NBAS: variants seen among roughly 807,000 people sequenced by gnomAD.
The protein encoded by NBAS is NAG/BC035112 fusion.
NBAS carries 219 observed loss-of-function variants against 302.5 expected under a neutral mutation model. The ratio of observed to expected loss-of-function variants is 0.72; its 90% confidence interval spans 0.65 to 0.81. The LOEUF (loss-of-function observed/expected upper bound fraction) is 0.81. NBAS is among the 30% of genes least tolerant of loss of function. The pLI is 0.00. For missense variants in NBAS, 2,932 were observed against 2,841.6 expected (o/e 1.03, Z -0.72); for synonymous variants, 1,118 against 1,021.6 (o/e 1.09, Z -1.80).
At chr2:15,486,118 T>C (rs981564670) in intron 12 of NBAS, among the ~76,000 whole-genome samples, 1 of 152,014 alleles carries the variant, frequency 6.6e-6, no homozygotes, top group Non-Finnish European at 1.5e-5. Flanking sequence ...AGAGCCACAA[T>C]GGGAATGGTA....
intron 21 of NBAS, 121 bp from the exon 22 acceptor site, chr2:15,427,915 A>T (rs1228485636): frequency 1.3e-6 from 1 of 762,120 alleles, no homozygotes; most frequent in Non-Finnish European, 2.2e-6. Flanking sequence ...TGCTTATAGT[A>T]TTTTAAGTGG....
the NBAS span, among the ~76,000 whole-genome samples, chr2:14,783,452 T>A: frequency 1.4e-5 from 2 of 144,162 alleles, no homozygotes; most frequent in Non-Finnish European, 3.0e-5. Flanking sequence ...GTATATCTCC[T>A]AATGCTATCC....
At chr2:15,022,416 G>T in the NBAS span, among the ~76,000 whole-genome samples, 3 of 152,146 alleles carry the variant, frequency 2.0e-5, no homozygotes, top group Non-Finnish European at 2.9e-5. Flanking sequence ...TACCCAAAAT[G>T]AGAGACAGTC....
At chr2:14,885,551 T>C in the NBAS span, among the ~76,000 whole-genome samples, 2 of 152,094 alleles carry the variant, frequency 1.3e-5, no homozygotes, top group South Asian at 2.1e-4. Context: ...AGTATATATG[T>C]GAGGAGTAGA....
At chr2:14,838,737 A>G in the NBAS span, among the ~76,000 whole-genome samples, 1 of 152,042 alleles carries the variant, frequency 6.6e-6, no homozygotes, top group African/African-American at 2.4e-5. Flanking sequence ...GGCATCAGCA[A>G]TCCTAGGTTG....
At position 15,396,483 on chromosome 2, in the gene NBAS, A is replaced by G; in HGVS notation, c.3072-8T>C. ...GTTGCCTCTGTCTTATCACTAATAA[A>G]TTAAAAGAAGAAAAAAAAAAGCCCT... On this transcript the variant is annotated splice_polypyrimidine_tract_variant and splice_region_variant and intron_variant, in intron 26 of 51. Coordinates refer to ENST00000281513, the MANE Select transcript of NBAS (RefSeq NM_015909.4). 1 of 1,563,774 alleles carries G rather than the reference A, an allele frequency of 6.4e-7. No individual in the cohort carries two copies. Among genetic ancestry groups the G allele is most frequent in the Non-Finnish European group, 8.6e-7 (1 of 1,158,188 alleles).
the NBAS span, among the ~76,000 whole-genome samples, chr2:14,825,450 A>C: frequency 6.6e-6 from 1 of 152,228 alleles, no homozygotes; most frequent in Non-Finnish European, 1.5e-5. Flanking sequence ...TTTCACCAGA[A>C]GGGAGCTGAC....
At chr2:15,491,540 TC>T (rs374393385) in intron 11 of NBAS, among the ~76,000 whole-genome samples, 19 of 152,090 alleles carry the variant, frequency 1.2e-4, no homozygotes, top group African/African-American at 4.6e-4. Flanking sequence ...ATCGAGACCA[TC>T]CTGGCTAACA....
intron 13 of NBAS, among the ~76,000 whole-genome samples, chr2:15,477,284 C>A (rs146606455): frequency 6.6e-6 from 1 of 150,812 alleles, no homozygotes; most frequent in South Asian, 2.1e-4. Flanking sequence ...TTTTTTGAGA[C>A]GAACTCTCAC....
chr2:15,395,956 A>G (rs940640807), intron 27 of NBAS, among the ~76,000 whole-genome samples: 6 of 152,136 alleles, frequency 3.9e-5, no homozygotes, highest in Non-Finnish European at 5.9e-5. Context: ...AGTTTGACAT[A>G]ATACAAATAG....
At chr2:15,529,233 C>T (rs1021427997) in intron 9 of NBAS, among the ~76,000 whole-genome samples, 2 of 152,084 alleles carry the variant, frequency 1.3e-5, no homozygotes. Flanking sequence ...GGCGTGGTGG[C>T]TCATGCCTGT....
intron 38 of NBAS, among the ~76,000 whole-genome samples, chr2:15,319,311 C>T (rs747016025): frequency 1.3e-5 from 2 of 151,886 alleles, no homozygotes; most frequent in Admixed American, 1.3e-4. Flanking sequence ...GATATAAAAT[C>T]GACACCAAAC....
rs1429961195 is a variant in NBAS, at chr2:15,536,471, A to G, written c.594T>C (p.Ser198=). 9 of 1,613,696 alleles carry G rather than the reference A, an allele frequency of 5.6e-6. No individual in the cohort carries two copies. In the Middle Eastern group the frequency reaches 6.6e-4, roughly 118 times the overall value. Residue 198 remains serine (S), a synonymous_variant, in exon 8 of 52, where the codon TCT becomes TCC. Transcript: ENST00000281513. ...GGTAATTGATGACCAGGAGTTCTGCAGACCACTGTGCACTTGCTTTATATT... is the reference window on the plus strand; with the variant it reads ...GGTAATTGATGACCAGGAGTTCTGCGGACCACTGTGCACTTGCTTTATATT... ...FLEYKASAQW[S]AELLVINYRG... is the part of the protein sequence containing the mutation.
At chr2:14,846,739 T>A in the NBAS span, among the ~76,000 whole-genome samples, 4 of 152,082 alleles carry the variant, frequency 2.6e-5, no homozygotes, top group Non-Finnish European at 4.4e-5. Context: ...AGAATTAAGT[T>A]GTTATCAACT....
chr2:15,120,101 A>C, the NBAS span, among the ~76,000 whole-genome samples: 1 of 152,196 alleles, frequency 6.6e-6, no homozygotes, highest in African/African-American at 2.4e-5. Context: ...GTTGAGCCTT[A>C]AAACAGGAAG....
the NBAS span, among the ~76,000 whole-genome samples, chr2:14,809,027 C>G: frequency 1.3e-5 from 2 of 152,194 alleles, no homozygotes; most frequent in African/African-American, 4.8e-5. Flanking sequence ...TGTAGAGTAT[C>G]TAGCAGAAGG....
chr2:14,990,167 C>T, the NBAS span, among the ~76,000 whole-genome samples: 1 of 149,366 alleles, frequency 6.7e-6, no homozygotes, highest in Non-Finnish European at 1.5e-5. Context: ...AACCCCAGTG[C>T]TTTGGGAGGC....
chr2:14,817,890 A>G, the NBAS span, among the ~76,000 whole-genome samples: 2 of 152,198 alleles, frequency 1.3e-5, no homozygotes, highest in African/African-American at 4.8e-5. Context: ...GGAGCAAATT[A>G]CTGAACCTCT....
chr2:14,988,109 A>T, the NBAS span, among the ~76,000 whole-genome samples: 1 of 152,162 alleles, frequency 6.6e-6, no homozygotes, highest in African/African-American at 2.4e-5. Context: ...CCCTGAAAAC[A>T]TTGTTGTGGA....
Sources: allele counts gnomAD v4.1 joint callset (sites outside exome capture counted in the v4.1 genomes callset), GRCh38; gene constraint gnomAD v4.1.1; transcripts MANE v1.5; gene names NCBI Gene and HGNC (gene_info 2026-07-23, HGNC 2026-07-21).